The following KIAA1671 variants were observed in gnomAD, a reference collection of about 807,000 sequenced individuals.
KIAA1671 encodes the protein KIAA1671, also known as uncharacterized protein KIAA1671.
In KIAA1671, 52 loss-of-function variants were observed where a neutral mutation model predicts 131.2. The ratio of observed to expected loss-of-function variants is 0.40; its 90% CI spans 0.32 to 0.50. KIAA1671 has a LOEUF of 0.50. KIAA1671 is among the 20% of genes least tolerant of loss of function. KIAA1671 has a pLI of 0.73. For synonymous variants in KIAA1671, 1,003 were observed against 961.6 expected (o/e 1.04, Z -0.80); for missense variants, 2,360 against 2,364.2 (o/e 1.00, Z 0.04).
chr22:25,187,069 A>G (rs1255208053), intron 11 of KIAA1671, among the ~76,000 whole-genome samples: 1 of 152,180 alleles, frequency 6.6e-6, no homozygotes, highest in African/African-American at 2.4e-5. Context: ...CAGGCATAGC[A>G]GTTGAAGGCC....
intron 6 of KIAA1671, among the ~76,000 whole-genome samples, chr22:25,130,652 A>G (rs537376648): frequency 6.6e-6 from 1 of 152,012 alleles, no homozygotes. Flanking sequence ...AATCGTAAAC[A>G]TCTAGATGAG....
chr22:25,040,584 A>G lies in KIAA1671; in HGVS notation c.3454A>G (p.Lys1152Glu). 3 of 1,551,800 alleles carry G rather than the reference A, an allele frequency of 1.9e-6. No individual in the cohort carries two copies. The highest frequency in any genetic ancestry group is 2.6e-6 in the Non-Finnish European group (3 of 1,147,020). The stretch of plus-strand genomic sequence containing the variant: ...AAGCAATTGGAAGGAAAGTGCGAAC[A>G]AGATGTCCCCCAGCGGCGGAGCTCC... ...PQSNWKESAN[K>E]MSPSGGAPQT... The change falls in exon 5 of 13, where the codon AAG becomes GAG. Residue 1152 changes from lysine (K) to glutamate (E), a missense_variant. Physicochemically the swap from Lys to Glu is moderately conservative, Grantham distance 56 (BLOSUM62 1). Around this residue, in one of 3 missense-constraint regions of KIAA1671, gnomAD observed 1,161 missense variants for 1,204.7 expected, o/e 0.96. Transcript: ENST00000358431.
chr22:25,069,468 G>A (rs1250536349), intron 6 of KIAA1671, among the ~76,000 whole-genome samples: 1 of 152,200 alleles, frequency 6.6e-6, no homozygotes, highest in Non-Finnish European at 1.5e-5. Context: ...GTGCCTCAGG[G>A]AGCTGATCCC....
intron 1 of KIAA1671, among the ~76,000 whole-genome samples, chr22:25,007,458 C>G (rs1041464321): frequency 4.8e-5 from 7 of 144,996 alleles, no homozygotes; most frequent in African/African-American, 1.5e-4. Context: ...GGCACTCCAG[C>G]CTGGTGACAG....
intron 6 of KIAA1671, among the ~76,000 whole-genome samples, chr22:25,091,202 C>T (rs572982471): frequency 1.2e-4 from 19 of 152,158 alleles, no homozygotes; most frequent in African/African-American, 3.4e-4. Context: ...GAATTACAGG[C>T]GCCCACCACC....
chr22:24,953,556 G>T (rs1921530999), intron 1 of KIAA1671, among the ~76,000 whole-genome samples: 1 of 152,014 alleles, frequency 6.6e-6, no homozygotes, highest in African/African-American at 2.4e-5. Context: ...CAGTCCCCCT[G>T]TTACCAGGCA....
At position 25,028,917 on chromosome 22, in the gene KIAA1671, T is replaced by A; in HGVS notation, c.918T>A (p.Ser306Arg). The change falls in exon 3 of 13, where the codon AGT (serine) becomes AGA (arginine). Residue 306 changes from serine to arginine, a missense_variant. Transcript: ENST00000358431. ...TGAGGAAGGTGGCCGATGAAGGAAG[T>A]GGACCCACAGCAGGGGATATGGCTG... Reference protein sequence around the residue: ...ALLRKVADEGSGPTAGDMAGL... With the variant: ...ALLRKVADEGRGPTAGDMAGL... The A allele has an allele frequency of 6.4e-7, 1 of 1,551,508 alleles. No individual in the cohort carries two copies. The highest frequency in any genetic ancestry group is 1.4e-5 in the African/African-American group (1 of 73,134).
chr22:25,185,034 C>T lies in KIAA1671; in HGVS notation c.5257C>T (p.Pro1753Ser), dbSNP rs1934425700. ...TCCTGGCGAGACCCCCAGCTGGGCA[C>T]CCCAACCCAAGAGCCCCAAGTCCCC... ...DSPGETPSWAPQPKSPKSPFQ... is the reference protein window; with the variant it reads ...DSPGETPSWASQPKSPKSPFQ... Residue 1753 changes from proline (P) to serine (S), a missense_variant, in exon 11 of 13, where the codon CCC becomes TCC. By Grantham distance (74) the Pro-to-Ser change is moderately conservative. This residue lies in a region of KIAA1671 where 1,161 missense variants were observed against 1,204.7 expected (regional missense o/e 0.96). Transcript: ENST00000358431. 1.9e-6 allele frequency: 3 copies of T among 1,551,534 alleles called. No homozygotes were observed. The highest frequency in any genetic ancestry group is 2.0e-5 in the Admixed American group (1 of 50,976).
At chr22:25,144,999 G>A (rs987502768) in intron 6 of KIAA1671, among the ~76,000 whole-genome samples, 1 of 152,206 alleles carries the variant, frequency 6.6e-6, no homozygotes. Context: ...TGCTCTCAGA[G>A]TCCTTGACTA....
rs1419938864 is a variant in KIAA1671 at position 25,132,517 on chromosome 22, TTATC to T, written c.4531-38301_4531-38298del. 2.6e-5 allele frequency among the ~76,000 whole-genome samples: 4 copies of T among 152,268 alleles called. No individual in the cohort carries two copies. The East Asian group carries it at 5.8e-4, about 22-fold the overall frequency. On this transcript the variant is annotated intron_variant, in intron 6 of 12. Transcript: ENST00000358431. ...TGCCCCTCTCGGAGCCTCGGTTTCT[TTATC>T]TGTAATGTGTTTCAGGAGTCTGTTG...
chr22:25,034,304 C>G (rs1926468936), intron 4 of KIAA1671, among the ~76,000 whole-genome samples: 1 of 152,094 alleles, frequency 6.6e-6, no homozygotes, highest in Admixed American at 6.5e-5. Flanking sequence ...CCTCGGCCTC[C>G]AAAAGTGCTG....
intron 6 of KIAA1671, among the ~76,000 whole-genome samples, chr22:25,151,337 AAT>A (rs559012477): frequency 5.4e-4 from 81 of 148,812 alleles, no homozygotes; most frequent in African/African-American, 1.8e-3. Flanking sequence ...TATATAAATA[AAT>A]ATATATGTAT....
chr22:25,094,680 A>G (rs188900727), intron 6 of KIAA1671, among the ~76,000 whole-genome samples: 3 of 152,186 alleles, frequency 2.0e-5, no homozygotes, highest in African/African-American at 7.2e-5. Context: ...TTGTAAGAAA[A>G]TATGTCATGT....
chr22:25,028,244 C>T lies in KIAA1671; in HGVS notation c.245C>T (p.Pro82Leu), dbSNP rs939387953. 3.1e-4 allele frequency: 476 copies of T among 1,551,674 alleles called. No individual in the cohort carries two copies. Among genetic ancestry groups the T allele is most frequent in the South Asian group, 4.3e-4 (36 of 84,062 alleles). Reference protein sequence around the residue: ...SKEQDVKSPVPSLRPSSTGPS... With the variant: ...SKEQDVKSPVLSLRPSSTGPS... ...GAGCAGGACGTGAAATCTCCTGTCC[C>T]GTCTCTGCGGCCCAGTTCGACTGGA... The change falls in exon 3 of 13, where the codon CCG becomes CTG. Residue 82 changes from proline (P) to leucine (L), a missense_variant. This residue lies in a region of KIAA1671 where 1,185 missense variants were observed against 1,126.2 expected (regional missense o/e 1.05). Coordinates refer to ENST00000358431, the MANE Select transcript of KIAA1671 (RefSeq NM_001145206.2).
chr22:25,133,729 G>A (rs914764159), intron 6 of KIAA1671, among the ~76,000 whole-genome samples: 12 of 151,968 alleles, frequency 7.9e-5, no homozygotes, highest in African/African-American at 2.2e-4. Context: ...TTTTTTTCTT[G>A]TAGAGATGGG....
intron 1 of KIAA1671, among the ~76,000 whole-genome samples, chr22:24,971,326 T>C (rs1018262445): frequency 1.3e-5 from 2 of 152,196 alleles, no homozygotes; most frequent in African/African-American, 4.8e-5. Flanking sequence ...AGGACAGCCA[T>C]AGTGGTTATT....
intron 1 of KIAA1671, among the ~76,000 whole-genome samples, chr22:24,988,000 G>A (rs993889127): frequency 2.0e-5 from 3 of 151,480 alleles, no homozygotes; most frequent in African/African-American, 4.9e-5. Context: ...CCTGGGCGGG[G>A]CACGGTGGTT....
intron 4 of KIAA1671, among the ~76,000 whole-genome samples, chr22:25,034,235 G>A (rs905154659): frequency 7.2e-5 from 11 of 151,876 alleles, no homozygotes; most frequent in East Asian, 1.9e-4. Context: ...TAGTAGAGAC[G>A]GGGTTTCGCT....
chr22:25,148,802 G>A (rs933692868), intron 6 of KIAA1671, among the ~76,000 whole-genome samples: 4 of 152,142 alleles, frequency 2.6e-5, no homozygotes, highest in African/African-American at 4.8e-5. Flanking sequence ...TCTCGCTCCC[G>A]TAAGTGCTCT....
Sources: allele counts gnomAD v4.1 joint callset (sites outside exome capture counted in the v4.1 genomes callset), GRCh38; gene constraint gnomAD v4.1.1; regional missense constraint gnomAD v4.1.1; transcripts MANE v1.5; gene names NCBI Gene and HGNC (gene_info 2026-07-23, HGNC 2026-07-21).